Variants in ADH7 observed in about 807,000 individuals in gnomAD.
The protein encoded by ADH7 is all-trans-retinol dehydrogenase [NAD(+)] ADH7.
A neutral mutation model predicts 34.4 loss-of-function variants in ADH7; 41 were observed. The observed-to-expected ratio is 1.19, with a 90% confidence interval of 0.93 to 1.55. ADH7 has a LOEUF of 1.55. Among genes scored for constraint, ADH7 ranks in the 40% most tolerant of loss-of-function variants. The pLI is 0.00. For synonymous variants in ADH7, 180 were observed against 160.9 expected (o/e 1.12, Z -0.90); for missense variants, 540 against 461.2 (o/e 1.17, Z -1.56).
chr4:99,427,262 C>T (rs575670729), intron 5 of ADH7, among the ~76,000 whole-genome samples: 13 of 152,032 alleles, frequency 8.6e-5, no homozygotes, highest in South Asian at 4.1e-4. Flanking sequence ...ATTTCTGATA[C>T]GCATTATAGG....
chr4:99,415,416 A>C, intron 8 of ADH7, 62 bp downstream of exon 8: 1 of 1,500,602 alleles, frequency 6.7e-7, no homozygotes, highest in Non-Finnish European at 9.2e-7. Flanking sequence ...GCACATTTAT[A>C]AGTACTAAAT....
chr4:99,415,868 AG>A, intron 7 of ADH7: 1 of 253,034 alleles, frequency 4.0e-6, no homozygotes, highest in Non-Finnish European at 7.6e-6. Context: ...AAACTAACAC[AG>A]GAACAAAAAA....
intron 5 of ADH7, among the ~76,000 whole-genome samples, chr4:99,424,342 G>A (rs867098217): frequency 4.5e-4 from 68 of 152,332 alleles, no homozygotes; most frequent in African/African-American, 1.6e-3. Context: ...TTTTGGCTTA[G>A]GATTGACTTG....
In ADH7 at chr4:99,413,087, A is replaced by G; in HGVS notation, c.*61T>C. On this transcript the variant is annotated 3_prime_UTR_variant, in exon 9 of 9. Coordinates refer to ENST00000437033, the MANE Select transcript of ADH7 (RefSeq NM_000673.7). ...ACAGATACATGATTTCAGATGAGGG[A>G]ACTCTCACAAGAGAAACTCCAGTTC... The G allele has an allele frequency of 6.4e-7, 1 of 1,553,630 alleles. No individual in the cohort carries two copies. Among genetic ancestry groups the G allele is most frequent in the African/African-American group, 1.4e-5 (1 of 73,466 alleles).
At chr4:99,418,810 C>T (rs1041467165) in intron 7 of ADH7, among the ~76,000 whole-genome samples, 176 bp downstream of exon 7, 2 of 152,096 alleles carry the variant, frequency 1.3e-5, no homozygotes, top group African/African-American at 4.8e-5. Context: ...CAATATTAGT[C>T]CTACATCAAG....
Position 99,428,193 on chromosome 4 carries a change from G to T in ADH7, c.260-19C>A. On this transcript the variant is annotated intron_variant, in intron 3 of 8. Transcript: ENST00000437033. ...TTGTCACCTACAGGAAAAAAATCAT[G>T]ATATAAGATGCTGTTCATTAATGTT... The T allele has an allele frequency of 4.4e-6, 7 of 1,586,910 alleles. No individual in the cohort carries two copies. Among genetic ancestry groups the T allele is most frequent in the Non-Finnish European group, 6.1e-6 (7 of 1,155,544 alleles).
At chr4:99,414,086 C>T (rs1381097702) in intron 8 of ADH7, among the ~76,000 whole-genome samples, 3 of 152,050 alleles carry the variant, frequency 2.0e-5, no homozygotes, top group Admixed American at 6.6e-5. Context: ...AAGCAAAATT[C>T]CTGAAAGCAG....
chr4:99,416,911 A>ATGAT (rs1172395107), intron 7 of ADH7, among the ~76,000 whole-genome samples: 2 of 152,112 alleles, frequency 1.3e-5, no homozygotes, highest in Non-Finnish European at 2.9e-5. Flanking sequence ...TCAATAAATG[A>ATGAT]TGATGGTGAC....
chr4:99,423,199 A>G (rs1245345720), intron 5 of ADH7, among the ~76,000 whole-genome samples: 1 of 150,856 alleles, frequency 6.6e-6, no homozygotes, highest in Non-Finnish European at 1.5e-5. Flanking sequence ...CCTACAAAGG[A>G]CATGAACTCA....
chr4:99,424,552 C>T (rs1239334611), intron 5 of ADH7, among the ~76,000 whole-genome samples: 1 of 152,094 alleles, frequency 6.6e-6, no homozygotes, highest in African/African-American at 2.4e-5. Context: ...TCTTTTATTT[C>T]CTTGAGCAGT....
chr4:99,418,576 TTTG>T (rs1392204244), intron 7 of ADH7, among the ~76,000 whole-genome samples: 2 of 152,096 alleles, frequency 1.3e-5, no homozygotes, highest in Non-Finnish European at 2.9e-5. Context: ...GACAATCCCT[TTTG>T]TTGTTGTTGT....
At chr4:99,413,980 G>T (rs1721463225) in intron 8 of ADH7, among the ~76,000 whole-genome samples, 1 of 152,190 alleles carries the variant, frequency 6.6e-6, no homozygotes, top group Admixed American at 6.5e-5. Flanking sequence ...TTCCAAGTGG[G>T]ACATTCAAAT....
chr4:99,426,892 C>A (rs938645470), intron 5 of ADH7, among the ~76,000 whole-genome samples: 3 of 152,156 alleles, frequency 2.0e-5, no homozygotes, highest in Non-Finnish European at 2.9e-5. Context: ...ACCTGCGATG[C>A]AAGGCTGGTT....
chr4:99,415,909 G>A (rs1037629282), intron 7 of ADH7: 5 of 199,946 alleles, frequency 2.5e-5, no homozygotes, highest in Non-Finnish European at 5.2e-5. Flanking sequence ...ACTCGTAAGT[G>A]GGAGTTGAAC....
At position 99,412,905 on chromosome 4, in the gene ADH7, A is replaced by G. The variant is rs112355520; in HGVS notation, c.*243T>C. The G allele has an allele frequency of 2.8e-3, 1,116 of 401,214 alleles. 15 individuals are homozygous for G. Among genetic ancestry groups the G allele is most frequent in the African/African-American group, 0.021 (995 of 48,050 alleles). 24.9% of individuals were successfully genotyped at this position (401,214 alleles called of 1,614,324 possible). A position where few individuals can be genotyped will look rare whatever the true frequency, so the allele number is the denominator to read the frequency against. On this transcript the variant is annotated 3_prime_UTR_variant, in exon 9 of 9. Coordinates refer to ENST00000437033, the MANE Select transcript of ADH7 (RefSeq NM_000673.7). ...AAGTGTATGTTTTCTTAAAAGATAC[A>G]ATTATAGCCTTACAAAATGTAAATC... is the stretch of plus-strand genomic sequence containing the variant.
chr4:99,427,780 G>T lies in ADH7; in HGVS notation c.557C>A (p.Thr186Asn), dbSNP rs1486696062. The change falls in exon 5 of 9, where the codon ACT becomes AAT. Residue 186 changes from threonine to asparagine, a missense_variant. Coordinates refer to ENST00000437033, the MANE Select transcript of ADH7 (RefSeq NM_000673.7). Reference sequence around the variant, plus strand: ...GCCTACCCTGTTTCTTACCTTGCCAGTTTTAACAGCAGCGCCATATCCAGT... The same window carrying T: ...GCCTACCCTGTTTCTTACCTTGCCATTTTTAACAGCAGCGCCATATCCAGT... ...FSTGYGAAVK[T>N]GKVKPGSTCV... 1.9e-6 allele frequency: 3 copies of T among 1,540,154 alleles called. No individual in the cohort carries two copies. The South Asian group carries it at 3.9e-5, about 20-fold the overall frequency.
At chr4:99,424,466 G>A (rs1174901321) in intron 5 of ADH7, among the ~76,000 whole-genome samples, 2 of 152,222 alleles carry the variant, frequency 1.3e-5, no homozygotes, top group South Asian at 4.1e-4. Context: ...AAATTACCTT[G>A]GGCAGTATGG....
In ADH7 at chr4:99,430,838, G is replaced by A. The variant is rs7693230; in HGVS notation, c.19-1205C>T. On this transcript the variant is annotated intron_variant, in intron 1 of 8. Coordinates refer to ENST00000437033, the MANE Select transcript of ADH7 (RefSeq NM_000673.7). ...TTTTTAGACGCAATCTTGCTCTGTC[G>A]CTAGGCTGGAGTGTAGTGGCGCAAT... 5.9e-3 allele frequency among the ~76,000 whole-genome samples: 892 copies of A among 151,924 alleles called. 7 individuals are homozygous for A. The highest frequency in any genetic ancestry group is 0.019 in the African/African-American group (799 of 41,404).
chr4:99,425,173 A>G (rs1412227525), intron 5 of ADH7, among the ~76,000 whole-genome samples: 1 of 152,092 alleles, frequency 6.6e-6, no homozygotes, highest in Non-Finnish European at 1.5e-5. Context: ...ATAACCAGCT[A>G]ACATCATCAT....
Sources: gnomAD v4.1 joint callset for allele counts (sites outside exome capture counted in the v4.1 genomes callset) on GRCh38, gnomAD v4.1.1 for gene constraint, MANE v1.5 for transcripts, NCBI Gene and HGNC (gene_info 2026-07-23, HGNC 2026-07-21) for gene names.